Variants in DSC3 observed in about 807,000 individuals in gnomAD.
DSC3 encodes desmocollin-3.
A neutral mutation model predicts 89.5 loss-of-function variants in DSC3; 97 were observed. The observed-to-expected ratio is 1.08, with a 90% confidence interval of 0.92 to 1.28. DSC3 has a LOEUF of 1.28. Ranked by LOEUF, DSC3 falls within the 50% of genes most tolerant of loss-of-function variation. DSC3 has a pLI of 0.00. For missense variants in DSC3, 1,199 were observed against 1,085.3 expected (o/e 1.10, Z -1.47); for synonymous variants, 436 against 384.1 (o/e 1.14, Z -1.58).
At chr18:31,015,771 T>G (rs1985215480) in intron 9 of DSC3, among the ~76,000 whole-genome samples, 1 of 152,190 alleles carries the variant, frequency 6.6e-6, no homozygotes, top group African/African-American at 2.4e-5. Context: ...TTATATTGTC[T>G]GCCCTTCCCA....
At chr18:31,037,297 G>A (rs1253233594) in intron 1 of DSC3, among the ~76,000 whole-genome samples, 1 of 152,108 alleles carries the variant, frequency 6.6e-6, no homozygotes, top group East Asian at 1.9e-4. Flanking sequence ...ACTTTTATTA[G>A]TTCTAGTATC....
Position 31,018,114 on chromosome 18 carries a change from C to A in DSC3, c.1220G>T (p.Ser407Ile). ...KGNENGHFKISTDKETNEGVL... is the reference protein window; with the variant it reads ...KGNENGHFKIITDKETNEGVL... ...ACCTTCATTAGTTTCTTTGTCTGTGCTGATTTTGAAATGTCCATTTTCATT... is the reference window on the plus strand; with the variant it reads ...ACCTTCATTAGTTTCTTTGTCTGTGATGATTTTGAAATGTCCATTTTCATT... The change falls in exon 9 of 16, where the codon AGC becomes ATC. Residue 407 changes from serine to isoleucine, a missense_variant. Coordinates refer to ENST00000360428, the MANE Select transcript of DSC3 (RefSeq NM_001941.5). 6.2e-7 allele frequency: 1 copy of A among 1,612,716 alleles called. No individual in the cohort carries two copies.
At chr18:31,026,918 G>A (rs1421209744) in intron 4 of DSC3, among the ~76,000 whole-genome samples, 2 of 152,238 alleles carry the variant, frequency 1.3e-5, no homozygotes, top group African/African-American at 2.4e-5. Flanking sequence ...TCTGGAACCT[G>A]CAGAGACAGC....
At chr18:31,033,716 A>T (rs1346456693) in intron 1 of DSC3, among the ~76,000 whole-genome samples, 3 of 152,248 alleles carry the variant, frequency 2.0e-5, no homozygotes, top group Non-Finnish European at 4.4e-5. Flanking sequence ...AAATACAGTG[A>T]TAAAGAAAAG....
chr18:31,010,084 A>C (rs1248852443), intron 9 of DSC3, among the ~76,000 whole-genome samples: 1 of 152,226 alleles, frequency 6.6e-6, no homozygotes, highest in Non-Finnish European at 1.5e-5. Flanking sequence ...CAAAATCAAA[A>C]CTGGTGAATA....
At chr18:31,035,180 C>T (rs748333985) in intron 1 of DSC3, among the ~76,000 whole-genome samples, 22 of 152,092 alleles carry the variant, frequency 1.4e-4, no homozygotes, top group African/African-American at 4.3e-4. Context: ...CTTTAACTCA[C>T]GGTAACATAA....
chr18:31,027,987 C>G (rs1985656064), intron 4 of DSC3, among the ~76,000 whole-genome samples: 2 of 152,006 alleles, frequency 1.3e-5, no homozygotes, highest in East Asian at 1.9e-4. Context: ...AGAGAAATAA[C>G]AAGCATTTTA....
rs150916368 is a variant in DSC3 at position 31,011,517 on chromosome 18, C to T, written c.1264-2992G>A. ...ATAATTCTGACTAGCAAGGAAGAAC[C>T]AGGGCATTGGAAGAGGAGGATTCCT... On this transcript the variant is annotated intron_variant, in intron 9 of 15. Transcript: ENST00000360428. Among the ~76,000 whole-genome samples the T allele has an allele frequency of 1.6e-3, 245 of 152,198 alleles. 1 individual carries two copies. Among genetic ancestry groups the T allele is most frequent in the African/African-American group, 5.2e-3 (216 of 41,534 alleles).
At position 31,001,663 on chromosome 18, in the gene DSC3, T is replaced by A. The variant is rs566415075; in HGVS notation, c.2190A>T (p.Gln730His). ...CTTCTGTGTTTGATATAATTAAGTT[T>A]TGCTGTGCTAAATCTTCAGGAAAAC... ...GKRFPEDLAQ[Q>H]NLIISNTEAP... The change falls in exon 14 of 16, where the codon CAA becomes CAT. Residue 730 changes from glutamine to histidine, a missense_variant. Physicochemically the swap from Gln to His is conservative, Grantham distance 24 (BLOSUM62 0). Transcript: ENST00000360428. 1 of 1,611,632 alleles carries A rather than the reference T, an allele frequency of 6.2e-7. No homozygotes were observed. Among genetic ancestry groups the A allele is most frequent in the East Asian group, 2.2e-5 (1 of 44,714 alleles).
rs775117123 is a variant in DSC3, at chr18:31,008,514, A to G, written c.1275T>C (p.Tyr425=). 2.4e-5 allele frequency: 38 copies of G among 1,614,010 alleles called. No individual in the cohort carries two copies. Among genetic ancestry groups the G allele is most frequent in the Non-Finnish European group, 3.1e-5 (37 of 1,180,024 alleles). Residue 425 remains tyrosine, a synonymous_variant, in exon 10 of 16, where the codon TAT becomes TAC. Coordinates refer to ENST00000360428, the MANE Select transcript of DSC3 (RefSeq NM_001941.5). ...GVLSVVKPLN[Y]EENRQVNLEI... ...CCAGGTTCACTTGACGGTTTTCTTC[A>G]TAATTCAGTGGCTTTAAAATAAAGT...
intron 1 of DSC3, among the ~76,000 whole-genome samples, chr18:31,041,588 G>A (rs927182792): frequency 2.6e-5 from 4 of 152,170 alleles, no homozygotes; most frequent in Non-Finnish European, 5.9e-5. Flanking sequence ...GACCCCATGC[G>A]CATCCATGGA....
At chr18:31,042,432 A>G (rs181563688) in intron 1 of DSC3, among the ~76,000 whole-genome samples, 160 bp downstream of exon 1, 52 of 151,826 alleles carry the variant, frequency 3.4e-4, no homozygotes, top group Non-Finnish European at 2.2e-4. Flanking sequence ...TTCTCTCCTC[A>G]CTCCTGCAGG....
chr18:31,023,579 C>G (rs1985495737), intron 6 of DSC3, among the ~76,000 whole-genome samples: 1 of 151,888 alleles, frequency 6.6e-6, no homozygotes, highest in South Asian at 2.1e-4. Flanking sequence ...CAAAGGAAAA[C>G]ATAAAGGGAA....
chr18:31,027,050 G>T (rs1276693886), intron 4 of DSC3, among the ~76,000 whole-genome samples: 1 of 152,034 alleles, frequency 6.6e-6, no homozygotes. Flanking sequence ...TAGTAATTGG[G>T]ATCTCAATAA....
In DSC3 at chr18:30,989,728, G is replaced by A. The variant is rs1012012842; in HGVS notation, c.*4447C>T. 1.3e-5 allele frequency among the ~76,000 whole-genome samples: 2 copies of A among 152,132 alleles called. No individual in the cohort carries two copies. Among genetic ancestry groups the A allele is most frequent in the Non-Finnish European group, 2.9e-5 (2 of 68,030 alleles). On this transcript the variant is annotated 3_prime_UTR_variant, in exon 16 of 16. Coordinates refer to ENST00000360428, the MANE Select transcript of DSC3 (RefSeq NM_001941.5). ...ATACAGAAGCCCGTAAACATGTTCT[G>A]AATACTATTTAATTTTTCTGCCCAT...
intron 8 of DSC3, 26 bp downstream of exon 8, chr18:31,018,640 G>A (rs1472717078): frequency 5.6e-6 from 9 of 1,608,292 alleles, no homozygotes; most frequent in Non-Finnish European, 5.1e-6. Context: ...ATAAGACAGA[G>A]GCAGATTTTG....
chr18:31,018,528 G>C, intron 8 of DSC3, 138 bp downstream of exon 8: 1 of 1,043,038 alleles, frequency 9.6e-7, no homozygotes, highest in Non-Finnish European at 1.4e-6. Flanking sequence ...CATATCACTT[G>C]TTTAAACTTT....
Position 31,038,550 on chromosome 18 carries a change from T to C in DSC3, c.69+4042A>G, listed in dbSNP as rs1986039131. 3.3e-5 allele frequency among the ~76,000 whole-genome samples: 5 copies of C among 152,328 alleles called. No homozygotes were observed. The South Asian group carries it at 6.2e-4, about 19-fold the overall frequency. ...CAAAACTATACTTCCTTTTCATTCC[T>C]AATATTGTTTTATGTATGCCTTTTC... is the stretch of plus-strand genomic sequence containing the variant. On this transcript the variant is annotated intron_variant, in intron 1 of 15. Coordinates refer to ENST00000360428, the MANE Select transcript of DSC3 (RefSeq NM_001941.5).
At chr18:31,000,927 T>C (rs1274884292) in intron 14 of DSC3, among the ~76,000 whole-genome samples, 1 of 151,746 alleles carries the variant, frequency 6.6e-6, no homozygotes, top group Non-Finnish European at 1.5e-5. Context: ...TTCTCATAAA[T>C]AAGTTGGCAT....
Sources: gnomAD v4.1 joint callset for allele counts (sites outside exome capture counted in the v4.1 genomes callset) on GRCh38, gnomAD v4.1.1 for gene constraint, MANE v1.5 for transcripts, NCBI Gene and HGNC (gene_info 2026-07-23, HGNC 2026-07-21) for gene names.